Variants in SAFB observed in about 807,000 individuals in gnomAD.
SAFB encodes the protein scaffold attachment factor B, also known as scaffold attachment factor B1.
A neutral mutation model predicts 101.6 loss-of-function variants in SAFB; 15 were observed. The ratio of observed to expected loss-of-function variants is 0.15; its 90% CI spans 0.10 to 0.23. The LOEUF (loss-of-function observed/expected upper bound fraction) is 0.23. Among genes scored for constraint, SAFB ranks in the 10% least tolerant of loss-of-function variants. The pLI, the probability that SAFB is intolerant of heterozygous loss-of-function variation, is 1.00. For synonymous variants in SAFB, 449 were observed against 407.5 expected (o/e 1.10, Z -1.23); for missense variants, 930 against 1,104.1 (o/e 0.84, Z 2.23).
At chr19:5,627,692 G>A (rs2053397588) in intron 2 of SAFB, among the ~76,000 whole-genome samples, 1 of 152,006 alleles carries the variant, frequency 6.6e-6, no homozygotes, top group South Asian at 2.1e-4. Context: ...CTGGTTCTCT[G>A]TGACTTCGCT....
At chr19:5,657,566 C>T (rs1310533129) in intron 14 of SAFB, among the ~76,000 whole-genome samples, 3 of 152,014 alleles carry the variant, frequency 2.0e-5, no homozygotes, top group South Asian at 4.1e-4. Context: ...CTTGCTGTGT[C>T]GCGCCCAGGC....
At chr19:5,642,185 AC>A in intron 4 of SAFB, 3 of 555,826 alleles carry the variant, frequency 5.4e-6, no homozygotes, top group Non-Finnish European at 1.0e-5. Flanking sequence ...TTTGAGGACA[AC>A]CATTCAGACT....
intron 2 of SAFB, among the ~76,000 whole-genome samples, chr19:5,635,778 C>T (rs560462665): frequency 2.0e-5 from 3 of 151,966 alleles, no homozygotes; most frequent in African/African-American, 4.8e-5. Flanking sequence ...GCGATAGAGG[C>T]GATGACGGTC....
intron 17 of SAFB, chr19:5,666,607 T>A (rs2054332278): frequency 6.0e-6 from 1 of 167,930 alleles, no homozygotes; most frequent in African/African-American, 2.4e-5. Context: ...AGGAAGAAAT[T>A]TGTAAAAATT....
chr19:5,647,947 G>A (rs1439771594), intron 5 of SAFB, 69 bp from the exon 6 acceptor site: 2 of 1,347,728 alleles, frequency 1.5e-6, no homozygotes, highest in African/African-American at 2.9e-5. Flanking sequence ...TAGTTATTCT[G>A]GGTTTTCATT....
At chr19:5,623,545 C>T (rs568594795) in intron 1 of SAFB, 151 bp downstream of exon 1, 17 of 646,390 alleles carry the variant, frequency 2.6e-5, no homozygotes, top group African/African-American at 5.9e-5. Flanking sequence ...TCCGAGGCCC[C>T]GGAGAGAGTT....
At chr19:5,656,463 A>G (rs926868760) in intron 13 of SAFB, among the ~76,000 whole-genome samples, 5 of 151,912 alleles carry the variant, frequency 3.3e-5, no homozygotes, top group Admixed American at 6.6e-5. Context: ...TCTAGTAGAG[A>G]CAGGATTTCT....
chr19:5,651,657 G>A (rs2053941204), intron 9 of SAFB, among the ~76,000 whole-genome samples: 1 of 152,096 alleles, frequency 6.6e-6, no homozygotes, highest in African/African-American at 2.4e-5. Context: ...CCCCCTACCT[G>A]CAGTGCCCAG....
intron 6 of SAFB, 26 bp from the exon 7 acceptor site, chr19:5,648,963 C>T (rs1257407826): frequency 2.6e-6 from 1 of 384,014 alleles, no homozygotes; most frequent in African/African-American, 2.5e-5. Flanking sequence ...AAACCTTGTG[C>T]CATTCTATTC....
intron 15 of SAFB, among the ~76,000 whole-genome samples, chr19:5,663,204 A>G (rs2054254542): frequency 6.8e-6 from 1 of 147,712 alleles, no homozygotes; most frequent in East Asian, 2.1e-4. Flanking sequence ...GGGTTTCACC[A>G]TGTTGGCCAG....
chr19:5,645,130 C>T (rs1231344829), intron 4 of SAFB, among the ~76,000 whole-genome samples: 3 of 152,220 alleles, frequency 2.0e-5, no homozygotes, highest in African/African-American at 7.2e-5. Flanking sequence ...AGTAGATTTC[C>T]TAGTCTATGT....
intron 2 of SAFB, among the ~76,000 whole-genome samples, chr19:5,631,666 C>T (rs2053492542): frequency 6.6e-6 from 1 of 152,168 alleles, no homozygotes; most frequent in Admixed American, 6.5e-5. Flanking sequence ...AGAATTGTCA[C>T]TTTAACATTT....
intron 5 of SAFB, among the ~76,000 whole-genome samples, chr19:5,645,691 G>A (rs536188407): frequency 6.3e-4 from 96 of 152,292 alleles, no homozygotes; most frequent in African/African-American, 2.2e-3. Flanking sequence ...GGCAGGGGAA[G>A]GCAGCCTGTC....
At chr19:5,662,784 G>A (rs2054244627) in intron 15 of SAFB, among the ~76,000 whole-genome samples, 1 of 151,106 alleles carries the variant, frequency 6.6e-6, no homozygotes, top group Admixed American at 6.6e-5. Flanking sequence ...GAGATTACAG[G>A]CACCCACCAC....
Position 5,661,768 on chromosome 19 carries a change from G to C in SAFB, c.2113G>C (p.Glu705Gln). ...RRQQELRYEQ[E>Q]RRPAVRRPYD... ...CCAGCAGGAACTGCGCTATGAGCAG[G>C]AGCGGCGGCCCGCGGTGCGGCGGCC... Residue 705 changes from glutamate to glutamine, a missense_variant, in exon 15 of 21, where the codon GAG becomes CAG. Glu to Gln is a conservative substitution (Grantham distance 29, BLOSUM62 2). Coordinates refer to ENST00000588852, the MANE Select transcript of SAFB (RefSeq NM_001201338.2). 1 of 1,575,716 alleles carries C rather than the reference G, an allele frequency of 6.3e-7. No homozygotes were observed. Among genetic ancestry groups the C allele is most frequent in the Non-Finnish European group, 8.6e-7 (1 of 1,162,570 alleles).
At position 5,636,586 on chromosome 19, in the gene SAFB, C is replaced by T. The variant is rs2053600556; in HGVS notation, c.275-5008C>T. Reference sequence around the variant, plus strand: ...TATGAATGAAATTAGAATATTTAAACGTCAATTACAGTACAAATAATTAGG... The same window carrying T: ...TATGAATGAAATTAGAATATTTAAATGTCAATTACAGTACAAATAATTAGG... On this transcript the variant is annotated intron_variant, in intron 2 of 20. Coordinates refer to ENST00000588852, the MANE Select transcript of SAFB (RefSeq NM_001201338.2). 3.3e-5 allele frequency among the ~76,000 whole-genome samples: 5 copies of T among 152,012 alleles called. No homozygotes were observed. In the South Asian group the frequency reaches 6.2e-4, roughly 19 times the overall value.
rs781419927 is a variant in SAFB at position 5,667,043 on chromosome 19, C to T, written c.2335-3C>T. 5 of 1,583,092 alleles carry T rather than the reference C, an allele frequency of 3.2e-6. No individual in the cohort carries two copies. Among genetic ancestry groups the T allele is most frequent in the Non-Finnish European group, 4.3e-6 (5 of 1,152,400 alleles). ...TTTTCCCTTCTGGCTCTGTGATGTC[C>T]AGCATTACCCAGAACGCCATGGAGG... On this transcript the variant is annotated splice_polypyrimidine_tract_variant and splice_region_variant and intron_variant, in intron 17 of 20. Coordinates refer to ENST00000588852, the MANE Select transcript of SAFB (RefSeq NM_001201338.2). This position sits in a 1 kb window ranked among gnomAD's most constrained non-coding sequence, Gnocchi z 4.0.
intron 15 of SAFB, 67 bp downstream of exon 15, chr19:5,661,875 T>G: frequency 2.6e-6 from 3 of 1,158,854 alleles, no homozygotes; most frequent in South Asian, 3.2e-5. Context: ...CACAGTCCAG[T>G]TAGCTTGAGA....
rs956043989 is a variant in SAFB, at chr19:5,667,988, C to G, written c.2624+102C>G. On this transcript the variant is annotated intron_variant, in intron 20 of 20. Coordinates refer to ENST00000588852, the MANE Select transcript of SAFB (RefSeq NM_001201338.2). This position sits in a 1 kb window ranked among gnomAD's most constrained non-coding sequence, Gnocchi z 4.0. ...GTCCTTCCAGCTAGTGCCCCTCCCC[C>G]CAAGGGTGACGTGAGGCCAGGCATG... 38 of 1,436,862 alleles carry G rather than the reference C, an allele frequency of 2.6e-5. No individual in the cohort carries two copies. The highest frequency in any genetic ancestry group is 3.3e-5 in the Non-Finnish European group (35 of 1,058,962). The allele number at this position is 1,436,862 out of a possible 1,614,324, so 89.0% of individuals were successfully genotyped here. A position where few individuals can be genotyped will look rare whatever the true frequency, so the allele number is the denominator to read the frequency against.
Sources: gnomAD v4.1 joint callset for allele counts (sites outside exome capture counted in the v4.1 genomes callset) on GRCh38, gnomAD v4.1.1 for gene constraint, Gnocchi (gnomAD v3.1) non-coding constraint, MANE v1.5 for transcripts, NCBI Gene and HGNC (gene_info 2026-07-23, HGNC 2026-07-21) for gene names.